RAB11FIP4: variants seen among roughly 807,000 people sequenced by gnomAD.
The protein encoded by RAB11FIP4 is rab11 family-interacting protein 4.
RAB11FIP4 carries 23 observed loss-of-function variants against 74.3 expected under a neutral mutation model. The observed-to-expected ratio is 0.31, with a 90% CI of 0.22 to 0.44. The LOEUF is 0.44. Among genes scored for constraint, RAB11FIP4 ranks in the 20% least tolerant of loss-of-function variants. The pLI is 1.00. For synonymous variants in RAB11FIP4, 360 were observed against 359.9 expected, an observed-to-expected ratio of 1.00 and a Z score of 0.00; for missense variants, 630 against 863.9, an observed-to-expected ratio of 0.73 and a Z score of 3.39.
chr17:31,488,373 G>T (rs1370600775), intron 3 of RAB11FIP4: 24 of 1,063,678 alleles, frequency 2.3e-5, no homozygotes, highest in Admixed American at 5.4e-5. Flanking sequence ...AGCGGACTTG[G>T]CCTGGGAGGT....
chr17:31,524,595 C>G (rs779186866), intron 9 of RAB11FIP4: 1 of 180,804 alleles, frequency 5.5e-6, no homozygotes, highest in Non-Finnish European at 1.2e-5. Flanking sequence ...GCCAGTGAGA[C>G]GTATCCCAGA....
chr17:31,485,795 T>C (rs1186188036), intron 3 of RAB11FIP4, among the ~76,000 whole-genome samples: 2 of 152,206 alleles, frequency 1.3e-5, no homozygotes, highest in Non-Finnish European at 2.9e-5. Context: ...ATTCCCATCT[T>C]ACAGATGAAG....
At position 31,521,869 on chromosome 17, in the gene RAB11FIP4, G is replaced by C. The variant is rs369529780; in HGVS notation, c.759-46G>C. On this transcript the variant is annotated intron_variant, in intron 5 of 14. Transcript: ENST00000621161. ...CTCAGCAGGGTGGTGTAGGGCACCAGACTGGACAGCAGTTAAGGTGGTGAT... is the reference window on the plus strand; with the variant it reads ...CTCAGCAGGGTGGTGTAGGGCACCACACTGGACAGCAGTTAAGGTGGTGAT... 22 of 1,611,980 alleles carry C rather than the reference G, an allele frequency of 1.4e-5. No homozygotes were observed. In the East Asian group the frequency reaches 4.5e-4, roughly 33 times the overall value.
intron 3 of RAB11FIP4, among the ~76,000 whole-genome samples, chr17:31,482,380 G>A (rs377753907): frequency 6.6e-6 from 1 of 151,880 alleles, no homozygotes; most frequent in Non-Finnish European, 1.5e-5. Context: ...ATCACTTGAG[G>A]CCAGTTCAAG....
intron 3 of RAB11FIP4, among the ~76,000 whole-genome samples, chr17:31,513,800 G>A (rs73988082): frequency 2.6e-5 from 4 of 152,104 alleles, no homozygotes; most frequent in African/African-American, 4.8e-5. Flanking sequence ...GAGTGTGTGC[G>A]CATGTGTGGC....
chr17:31,469,661 A>G (rs1164737369), intron 3 of RAB11FIP4, among the ~76,000 whole-genome samples: 1 of 149,908 alleles, frequency 6.7e-6, no homozygotes, highest in Non-Finnish European at 1.5e-5. Context: ...GCGAGACTAT[A>G]TCTAGGAGAA....
chr17:31,521,908 G>A lies in RAB11FIP4; in HGVS notation c.759-7G>A, dbSNP rs2072672948. On this transcript the variant is annotated splice_polypyrimidine_tract_variant and splice_region_variant and intron_variant, in intron 5 of 14. Transcript: ENST00000621161. ...TAAGGTGGTGATTCCTTTCCCTCAT[G>A]AATCAGTGCGGGGCAGACGCCTAGG... 6.2e-7 allele frequency: 1 copy of A among 1,613,988 alleles called. No homozygotes were observed.
chr17:31,491,305 C>T (rs190077762), intron 3 of RAB11FIP4, among the ~76,000 whole-genome samples: 4 of 152,354 alleles, frequency 2.6e-5, no homozygotes, highest in East Asian at 1.9e-4. Context: ...CCAGATTCTT[C>T]GTTGCCTACT....
At chr17:31,494,294 A>T (rs1295102296) in intron 3 of RAB11FIP4, among the ~76,000 whole-genome samples, 1 of 152,000 alleles carries the variant, frequency 6.6e-6, no homozygotes, top group Non-Finnish European at 1.5e-5. Context: ...CTGTAAAACG[A>T]GGATGAGGCT....
intron 3 of RAB11FIP4, among the ~76,000 whole-genome samples, chr17:31,510,199 A>C (rs978718961): frequency 3.9e-5 from 6 of 152,150 alleles, no homozygotes; most frequent in African/African-American, 1.4e-4. Flanking sequence ...CAGTAAGCTG[A>C]ATTTCCTGCT....
rs1047072278 is a variant in RAB11FIP4 at position 31,533,300 on chromosome 17, TG to T, written c.*1569del. 4.6e-5 allele frequency: 7 copies of T among 152,246 alleles called. No individual in the cohort carries two copies. Among genetic ancestry groups the T allele is most frequent in the Non-Finnish European group, 1.0e-4 (7 of 68,112 alleles). 9.4% of individuals were successfully genotyped at this position (152,246 alleles called of 1,614,324 possible). On this transcript the variant is annotated 3_prime_UTR_variant, in exon 15 of 15. Coordinates refer to ENST00000621161, the MANE Select transcript of RAB11FIP4 (RefSeq NM_032932.6). ...ATCTCGTGGCTTCTTTTTAATCTTT[TG>T]TTGGGGATTAGTTTCATGCTGCACA...
chr17:31,459,792 A>G (rs553877965), intron 3 of RAB11FIP4, among the ~76,000 whole-genome samples: 2 of 57,844 alleles, frequency 3.5e-5, no homozygotes, highest in East Asian at 9.8e-4. Flanking sequence ...GTCCCTCCCC[A>G]CGGCCCCAGA....
intron 3 of RAB11FIP4, among the ~76,000 whole-genome samples, chr17:31,455,918 G>A (rs1383130871): frequency 1.3e-5 from 2 of 152,142 alleles, no homozygotes; most frequent in East Asian, 1.9e-4. Context: ...CTCACCCTCC[G>A]CTGAGAGTGC....
At chr17:31,501,937 C>T (rs552871830) in intron 3 of RAB11FIP4, among the ~76,000 whole-genome samples, 5 of 152,198 alleles carry the variant, frequency 3.3e-5, no homozygotes, top group East Asian at 3.9e-4. Flanking sequence ...AAAGTGAGCC[C>T]GGGCATAGTG....
intron 1 of RAB11FIP4, among the ~76,000 whole-genome samples, chr17:31,406,707 A>G (rs1040841032): frequency 1.3e-5 from 2 of 152,074 alleles, no homozygotes; most frequent in African/African-American, 2.4e-5. Context: ...TTTTTTCAGC[A>G]TTTATCAAGG....
At chr17:31,439,703 C>T (rs1310684333) in intron 3 of RAB11FIP4, among the ~76,000 whole-genome samples, 4 of 152,316 alleles carry the variant, frequency 2.6e-5, no homozygotes, top group East Asian at 1.9e-4. Context: ...CTCTGCCTCC[C>T]GGGCTCAAGC....
At chr17:31,445,350 C>G in intron 3 of RAB11FIP4, among the ~76,000 whole-genome samples, 1 of 107,330 alleles carries the variant, frequency 9.3e-6, no homozygotes, top group South Asian at 4.4e-4. Context: ...TGCATACATA[C>G]TACTTTTTTT....
intron 3 of RAB11FIP4, among the ~76,000 whole-genome samples, chr17:31,457,621 A>G (rs956144800): frequency 6.6e-6 from 1 of 152,004 alleles, no homozygotes; most frequent in African/African-American, 2.4e-5. Context: ...CCTAGGACTG[A>G]TAAGAGACCC....
At chr17:31,511,251 T>C (rs2072446247) in intron 3 of RAB11FIP4, among the ~76,000 whole-genome samples, 1 of 152,174 alleles carries the variant, frequency 6.6e-6, no homozygotes, top group Admixed American at 6.5e-5. Context: ...GAGCTTGTCC[T>C]TAACGCCACC....
Sources: gnomAD v4.1 joint callset for allele counts (sites outside exome capture counted in the v4.1 genomes callset) on GRCh38, gnomAD v4.1.1 for gene constraint, MANE v1.5 for transcripts, NCBI Gene and HGNC (gene_info 2026-07-23, HGNC 2026-07-21) for gene names.